FGF12: variants seen among roughly 807,000 people sequenced by gnomAD.
FGF12 encodes the protein fibroblast growth factor 12B.
FGF12 carries 14 observed loss-of-function variants against 23.6 expected under a neutral mutation model. The ratio of observed to expected loss-of-function variants is 0.59; its 90% confidence interval spans 0.39 to 0.93. The LOEUF is 0.93. FGF12 is among the 40% of genes least tolerant of loss of function. The pLI is 0.00. For missense variants in FGF12, 175 were observed against 217.8 expected (o/e 0.80, Z 1.24); for synonymous variants, 62 against 77.3 (o/e 0.80, Z 1.04).
At chr3:192,541,325 AC>A (rs1407883279) in intron 2 of FGF12, among the ~76,000 whole-genome samples, 1 of 152,190 alleles carries the variant, frequency 6.6e-6, no homozygotes, top group Non-Finnish European at 1.5e-5. Context: ...TTACCATAAA[AC>A]ATGCAAATAA....
At chr3:192,555,212 G>C (rs1711709962) in intron 2 of FGF12, among the ~76,000 whole-genome samples, 2 of 152,204 alleles carry the variant, frequency 1.3e-5, no homozygotes, top group South Asian at 4.1e-4. Context: ...TATAAAACTA[G>C]TATATAAGAA....
chr3:192,689,596 CAG>C (rs1316930401), intron 2 of FGF12, among the ~76,000 whole-genome samples: 2 of 151,250 alleles, frequency 1.3e-5, no homozygotes, highest in African/African-American at 4.9e-5. Flanking sequence ...AACTAGAAGA[CAG>C]ATTGTTTTAT....
At chr3:192,636,513 T>A (rs956800522) in intron 2 of FGF12, among the ~76,000 whole-genome samples, 1 of 152,224 alleles carries the variant, frequency 6.6e-6, no homozygotes, top group African/African-American at 2.4e-5. Context: ...GTTTCATAAA[T>A]CTCTTCCAAG....
intron 2 of FGF12, among the ~76,000 whole-genome samples, chr3:192,684,269 C>T (rs569627826): frequency 4.1e-4 from 62 of 152,096 alleles, no homozygotes; most frequent in Non-Finnish European, 7.8e-4. Context: ...CCTGTGTTAA[C>T]GGGGTTAAAA....
rs557977784 is a variant in FGF12 at position 192,587,998 on chromosome 3, T to C, written c.13+139183A>G. Among the ~76,000 whole-genome samples, 2 of 151,938 alleles carry C rather than the reference T, an allele frequency of 1.3e-5. 1 individual carries two copies. The highest frequency in any genetic ancestry group is 2.9e-5 in the Non-Finnish European group (2 of 67,902). On this transcript the variant is annotated intron_variant, in intron 2 of 5. Transcript: ENST00000445105. The stretch of plus-strand genomic sequence containing the variant: ...ATTTCATCACTCTATAGACTTTCTT[T>C]GATCATCTATGATTTCCTTGTATTT...
chr3:192,253,116 T>C (rs1712148700), intron 4 of FGF12, among the ~76,000 whole-genome samples: 1 of 152,142 alleles, frequency 6.6e-6, no homozygotes, highest in Admixed American at 6.6e-5. Flanking sequence ...AGGAAAAATA[T>C]GTTCTGACTC....
chr3:192,380,560 T>C (rs185316846), intron 2 of FGF12, among the ~76,000 whole-genome samples: 3 of 152,276 alleles, frequency 2.0e-5, no homozygotes, highest in Admixed American at 2.0e-4. Context: ...TAAAACACTA[T>C]CAAATGGTAA....
At chr3:192,629,503 C>T (rs1301015320) in intron 2 of FGF12, among the ~76,000 whole-genome samples, 2 of 152,202 alleles carry the variant, frequency 1.3e-5, no homozygotes, top group African/African-American at 4.8e-5. Flanking sequence ...CAAAAATGGG[C>T]TCAGAAGTCA....
chr3:192,286,848 A>G (rs1263480868), intron 4 of FGF12, among the ~76,000 whole-genome samples: 4 of 152,036 alleles, frequency 2.6e-5, no homozygotes, highest in Non-Finnish European at 5.9e-5. Flanking sequence ...AAGACACTAT[A>G]TATCTGCTGC....
intron 2 of FGF12, among the ~76,000 whole-genome samples, chr3:192,619,828 G>A (rs1714904748): frequency 6.6e-6 from 1 of 152,072 alleles, no homozygotes; most frequent in Admixed American, 6.6e-5. Flanking sequence ...CTTCAATCAG[G>A]AAACCATCTC....
intron 2 of FGF12, among the ~76,000 whole-genome samples, chr3:192,506,433 T>C (rs1577024923): frequency 6.6e-6 from 1 of 152,240 alleles, no homozygotes; most frequent in Admixed American, 6.5e-5. Flanking sequence ...TGCAGTGGCA[T>C]GATCTCGGCT....
At chr3:192,278,411 CATTGT>C (rs1713931680) in intron 4 of FGF12, among the ~76,000 whole-genome samples, 1 of 152,112 alleles carries the variant, frequency 6.6e-6, no homozygotes, top group East Asian at 1.9e-4. Context: ...ATCTTCTTCC[CATTGT>C]ACTGAGAAGC....
Position 192,338,655 on chromosome 3 carries a change from G to C in FGF12, c.125-3191C>G, listed in dbSNP as rs138550099. 5.3e-5 allele frequency among the ~76,000 whole-genome samples: 8 copies of C among 152,318 alleles called. No homozygotes were observed. The East Asian group carries it at 1.2e-3, about 22-fold the overall frequency. ...GCGGGTGTTGGCAGGTGAGCTGGAA[G>C]GAGCTGGGTCCCTGAGAGCTTTGTG... On this transcript the variant is annotated intron_variant, in intron 3 of 5. Transcript: ENST00000445105.
At chr3:192,497,043 G>A (rs550925511) in intron 2 of FGF12, among the ~76,000 whole-genome samples, 7 of 152,186 alleles carry the variant, frequency 4.6e-5, no homozygotes, top group African/African-American at 1.7e-4. Flanking sequence ...GTCTCAGCCC[G>A]AGTCTCTCCT....
intron 4 of FGF12, among the ~76,000 whole-genome samples, chr3:192,194,345 T>C (rs1716953786): frequency 6.6e-6 from 1 of 152,190 alleles, no homozygotes; most frequent in African/African-American, 2.4e-5. Context: ...CCTCAGAGGA[T>C]CAGGTGGTAA....
At position 192,319,234 on chromosome 3, in the gene FGF12, T is replaced by C. The variant is rs187389078; in HGVS notation, c.228+16127A>G. Among the ~76,000 whole-genome samples, 7 of 152,232 alleles carry C rather than the reference T, an allele frequency of 4.6e-5. No individual in the cohort carries two copies. In the East Asian group the frequency reaches 1.4e-3, roughly 29 times the overall value. On this transcript the variant is annotated intron_variant, in intron 4 of 5. Coordinates refer to ENST00000445105, the MANE Select transcript of FGF12 (RefSeq NM_004113.6). ...ACACAGAAAACACAGAATATTATAA[T>C]ACTGTAATTGTGGTGTATAAACTAT...
chr3:192,422,775 G>C (rs1261864625), intron 2 of FGF12, among the ~76,000 whole-genome samples: 1 of 152,168 alleles, frequency 6.6e-6, no homozygotes, highest in Non-Finnish European at 1.5e-5. Flanking sequence ...ACCATGATTT[G>C]AACTCAGCAA....
intron 2 of FGF12, among the ~76,000 whole-genome samples, chr3:192,473,486 T>A (rs945309575): frequency 1.3e-5 from 2 of 152,222 alleles, no homozygotes; most frequent in African/African-American, 4.8e-5. Flanking sequence ...CTGGTTACAC[T>A]CTATCTAATT....
intron 2 of FGF12, among the ~76,000 whole-genome samples, chr3:192,726,124 A>G (rs1330910649): frequency 6.6e-6 from 1 of 152,252 alleles, no homozygotes; most frequent in African/African-American, 2.4e-5. Context: ...CAGTTTCATT[A>G]ATCAGCCCAG....
Sources: gnomAD v4.1 joint callset for allele counts (sites outside exome capture counted in the v4.1 genomes callset) on GRCh38, gnomAD v4.1.1 for gene constraint, MANE v1.5 for transcripts, NCBI Gene and HGNC (gene_info 2026-07-23, HGNC 2026-07-21) for gene names.